The following SEPTIN9 variants were observed in gnomAD, a reference collection of about 807,000 sequenced individuals.
SEPTIN9 encodes the protein septin-9.
In SEPTIN9, 13 loss-of-function variants were observed where a neutral mutation model predicts 56.6. That is an observed-to-expected ratio of 0.23 (90% CI 0.15 to 0.37). The LOEUF (loss-of-function observed/expected upper bound fraction) is 0.37, where lower values mean the gene tolerates loss of function less well. Ranked by LOEUF, SEPTIN9 falls within the 10% of genes least tolerant of loss-of-function variation. The probability of loss-of-function intolerance (pLI) is 1.00; values close to 1 mark genes in which losing one functional copy is unlikely to be tolerated. For missense variants in SEPTIN9, 650 were observed against 823.1 expected (o/e 0.79, Z 2.57); for synonymous variants, 332 against 334.1 (o/e 0.99, Z 0.07).
chr17:77,320,295 G>T, intron 2 of SEPTIN9: 1 of 1,612,118 alleles, frequency 6.2e-7, no homozygotes, highest in Non-Finnish European at 8.5e-7. Flanking sequence ...GGGACGCCGG[G>T]ACTCCCGCCG....
At chr17:77,373,822 TTTCC>T (rs1436204785) in intron 2 of SEPTIN9, 6 of 478,038 alleles carry the variant, frequency 1.3e-5, no homozygotes, top group African/African-American at 8.2e-5. Flanking sequence ...GCCGCCTGGG[TTTCC>T]TTCCTTTTAT....
At chr17:77,413,076 A>G (rs1375821435) in intron 3 of SEPTIN9, among the ~76,000 whole-genome samples, 2 of 144,338 alleles carry the variant, frequency 1.4e-5, no homozygotes, top group Non-Finnish European at 3.0e-5. Flanking sequence ...CTTGGTCTGG[A>G]GCGGGTGGGG....
intron 3 of SEPTIN9, among the ~76,000 whole-genome samples, chr17:77,408,465 G>T (rs947099833): frequency 6.6e-6 from 1 of 152,204 alleles, no homozygotes; most frequent in African/African-American, 2.4e-5. Flanking sequence ...AGCTGATGAT[G>T]GTGGGCGTGG....
chr17:77,458,018 C>T (rs972162402), intron 3 of SEPTIN9, among the ~76,000 whole-genome samples: 2 of 152,226 alleles, frequency 1.3e-5, no homozygotes, highest in African/African-American at 4.8e-5. Flanking sequence ...TGGACTCACC[C>T]TGAAGGGGGG....
chr17:77,467,119 C>T (rs1262390444), intron 3 of SEPTIN9, among the ~76,000 whole-genome samples: 2 of 152,212 alleles, frequency 1.3e-5, no homozygotes, highest in Admixed American at 6.5e-5. Flanking sequence ...TCATGCAGGA[C>T]GGCAGATGGA....
chr17:77,498,035 A>G (rs1199569962), intron 11 of SEPTIN9, among the ~76,000 whole-genome samples: 1 of 151,922 alleles, frequency 6.6e-6, no homozygotes, highest in African/African-American at 2.4e-5. Flanking sequence ...AGGAATGAAA[A>G]TCCGAGCCCA....
At chr17:77,459,831 G>A (rs1161088928) in intron 3 of SEPTIN9, among the ~76,000 whole-genome samples, 1 of 151,998 alleles carries the variant, frequency 6.6e-6, no homozygotes, top group Non-Finnish European at 1.5e-5. Flanking sequence ...GCATGCCACC[G>A]CGCCCGGCTA....
intron 3 of SEPTIN9, chr17:77,472,463 C>T (rs2039042046): frequency 6.6e-6 from 1 of 152,242 alleles, no homozygotes; most frequent in African/African-American, 2.4e-5. Context: ...GACAGACTCA[C>T]ACCACCTGTC....
chr17:77,354,335 C>T (rs183750165), intron 2 of SEPTIN9, among the ~76,000 whole-genome samples: 34 of 152,348 alleles, frequency 2.2e-4, no homozygotes, highest in Non-Finnish European at 4.7e-4. Context: ...AACGCTCACT[C>T]ATGCGGCAGG....
At chr17:77,383,275 C>G (rs879459544) in intron 2 of SEPTIN9, among the ~76,000 whole-genome samples, 6 of 151,750 alleles carry the variant, frequency 4.0e-5, no homozygotes, top group Non-Finnish European at 5.9e-5. Flanking sequence ...CCTCCTGTGA[C>G]TGAGCTTCTC....
rs1038674714 is a variant in SEPTIN9, at chr17:77,450,157, T to C, written c.722-31987T>C. 1.3e-5 allele frequency among the ~76,000 whole-genome samples: 2 copies of C among 152,006 alleles called. No homozygotes were observed. The highest frequency in any genetic ancestry group is 2.4e-5 in the African/African-American group (1 of 41,384). ...GGACCAGGAGGCCTTAGGGGGAAAGTTGGCCATGAGGAGTGGGAAGCGACG... is the reference window on the plus strand; with the variant it reads ...GGACCAGGAGGCCTTAGGGGGAAAGCTGGCCATGAGGAGTGGGAAGCGACG... On this transcript the variant is annotated intron_variant, in intron 3 of 11. Transcript: ENST00000427177. The surrounding 1 kb of genome is among the most constrained non-coding windows in gnomAD (Gnocchi z 6.0).
rs2037962443 is a variant in SEPTIN9, at chr17:77,451,395, C to T, written c.722-30749C>T. Reference sequence around the variant, plus strand: ...GTCGAGGTCCCTCCCTACCTCTGCCCCGCGCTCTGGGAGGCTCCTTGTTCC... The same window carrying T: ...GTCGAGGTCCCTCCCTACCTCTGCCTCGCGCTCTGGGAGGCTCCTTGTTCC... On this transcript the variant is annotated intron_variant, in intron 3 of 11. Coordinates refer to ENST00000427177, the MANE Select transcript of SEPTIN9 (RefSeq NM_001113491.2). This position sits in a 1 kb window ranked among gnomAD's most constrained non-coding sequence, Gnocchi z 4.2. 5 of 985,786 alleles carry T rather than the reference C, an allele frequency of 5.1e-6. No homozygotes were observed. Among genetic ancestry groups the T allele is most frequent in the Non-Finnish European group, 6.0e-6 (5 of 830,138 alleles). 61.1% of individuals were successfully genotyped at this position (985,786 alleles called of 1,614,324 possible).
chr17:77,499,846 C>G lies in SEPTIN9; in HGVS notation c.*1188C>G. The G allele has an allele frequency of 3.3e-6, 1 of 305,822 alleles. No individual in the cohort carries two copies. Among genetic ancestry groups the G allele is most frequent in the Non-Finnish European group, 6.2e-6 (1 of 161,330 alleles). 18.9% of individuals were successfully genotyped at this position (305,822 alleles called of 1,614,324 possible). A position where few individuals can be genotyped will look rare whatever the true frequency, so the allele number is the denominator to read the frequency against. ...CTGTTGATCTACCCGTGCCTGGGCC[C>G]CTCCCCTCAGAGCCCATGGTAACGA... On this transcript the variant is annotated 3_prime_UTR_variant, in exon 12 of 12. Transcript: ENST00000427177.
At position 77,426,785 on chromosome 17, in the gene SEPTIN9, A is replaced by G. The variant is rs529229951; in HGVS notation, c.721+24082A>G. On this transcript the variant is annotated intron_variant, in intron 3 of 11. Transcript: ENST00000427177. ...GGAGAGTCTTGCCGTTTATTTGTTC[A>G]TATGCCCTCTGGGAGGGCAGGGGAC... Among the ~76,000 whole-genome samples the G allele has an allele frequency of 1.6e-4, 25 of 152,236 alleles. No homozygotes were observed. In the South Asian group the frequency reaches 5.0e-3, roughly 30 times the overall value.
chr17:77,459,991 G>A (rs1178880513), intron 3 of SEPTIN9, among the ~76,000 whole-genome samples: 1 of 152,014 alleles, frequency 6.6e-6, no homozygotes, highest in Non-Finnish European at 1.5e-5. Flanking sequence ...AGACTCTATA[G>A]CAATCAGATC....
At chr17:77,373,673 C>G in intron 2 of SEPTIN9, 1 of 1,424,190 alleles carries the variant, frequency 7.0e-7, no homozygotes, top group Non-Finnish European at 9.2e-7. Context: ...AGACGGGACC[C>G]CTAATCCAGG....
rs146980094 is a variant in SEPTIN9 at position 77,347,249 on chromosome 17, G to T, written c.76+40052G>T. Among the ~76,000 whole-genome samples the T allele has an allele frequency of 0.018, 2,666 of 151,924 alleles. 183 individuals are homozygous for T. In the East Asian group the frequency reaches 0.19, roughly 11 times the overall value. On this transcript the variant is annotated intron_variant, in intron 2 of 11. Transcript: ENST00000427177. ...AAAAATTAGCTGGGCGTGGTGGCAG[G>T]CTCCTGTAATCCCAGCTACTCGGGA... is the stretch of plus-strand genomic sequence containing the variant.
chr17:77,485,851 G>A (rs1049978048), intron 4 of SEPTIN9, among the ~76,000 whole-genome samples: 3 of 151,946 alleles, frequency 2.0e-5, no homozygotes, highest in African/African-American at 7.2e-5. Flanking sequence ...TTTGTGTTGT[G>A]TTTTTTTGAG....
intron 2 of SEPTIN9, among the ~76,000 whole-genome samples, chr17:77,383,192 C>CCCTCCTTA (rs2035210535): frequency 1.4e-5 from 2 of 147,778 alleles, no homozygotes; most frequent in Admixed American, 6.7e-5. Flanking sequence ...TTCTCTCCCT[C>CCCTCCTTA]CCTCCCTCTT....
Sources: gnomAD v4.1 joint callset for allele counts (sites outside exome capture counted in the v4.1 genomes callset) on GRCh38, gnomAD v4.1.1 for gene constraint, Gnocchi (gnomAD v3.1) non-coding constraint, MANE v1.5 for transcripts, NCBI Gene and HGNC (gene_info 2026-07-23, HGNC 2026-07-21) for gene names.